The following MLLT3 variants were observed in gnomAD, a reference collection of about 807,000 sequenced individuals.
MLLT3 encodes MLLT3 super elongation complex subunit, also known as protein AF-9.
Under a neutral mutation model 53.2 loss-of-function variants are expected in MLLT3, and 4 were observed. The observed-to-expected ratio is 0.08, with a 90% confidence interval of 0.04 to 0.17. The LOEUF is 0.17. Among genes scored for constraint, MLLT3 ranks in the 10% least tolerant of loss-of-function variants. The probability of loss-of-function intolerance (pLI) is 1.00; values close to 1 mark genes in which losing one functional copy is unlikely to be tolerated. For missense variants in MLLT3, 569 were observed against 684.0 expected, an observed-to-expected ratio of 0.83 and a Z score of 1.87; for synonymous variants, 283 against 230.6, an observed-to-expected ratio of 1.23 and a Z score of -2.06.
In MLLT3 at chr9:20,622,312, C is replaced by G. The variant is rs1480724975; in HGVS notation, c.-56G>C. On this transcript the variant is annotated 5_prime_UTR_variant, in exon 1 of 11. Transcript: ENST00000380338. ...TGTGTGGTACCCCCCCCTCCTCCGC[C>G]CCCCCTCAGCTGTAATTCATGAAGA... The G allele has an allele frequency of 1.4e-6, 2 of 1,463,196 alleles. No individual in the cohort carries two copies. Among genetic ancestry groups the G allele is most frequent in the Non-Finnish European group, 9.2e-7 (1 of 1,089,582 alleles). 90.6% of individuals were successfully genotyped at this position (1,463,196 alleles called of 1,614,324 possible). A position where few individuals can be genotyped will look rare whatever the true frequency, so the allele number is the denominator to read the frequency against.
At chr9:20,483,971 A>G (rs1410906063) in intron 2 of MLLT3, among the ~76,000 whole-genome samples, 1 of 151,916 alleles carries the variant, frequency 6.6e-6, no homozygotes, top group Non-Finnish European at 1.5e-5. Flanking sequence ...TTGGCCTCCC[A>G]AAGTGCTGGG....
intron 5 of MLLT3, among the ~76,000 whole-genome samples, chr9:20,406,708 T>C (rs1370730886): frequency 6.6e-6 from 1 of 152,216 alleles, no homozygotes; most frequent in African/African-American, 2.4e-5. Flanking sequence ...GCAAGAAAAT[T>C]ACCTTTTCTG....
At chr9:20,595,799 T>A (rs1274025891) in intron 2 of MLLT3, among the ~76,000 whole-genome samples, 3 of 152,212 alleles carry the variant, frequency 2.0e-5, no homozygotes, top group Non-Finnish European at 4.4e-5. Flanking sequence ...TTTCCTCTAC[T>A]TTTTATCCCT....
chr9:20,360,305 T>C (rs1821281772), intron 8 of MLLT3, among the ~76,000 whole-genome samples: 1 of 152,178 alleles, frequency 6.6e-6, no homozygotes, highest in African/African-American at 2.4e-5. Flanking sequence ...ATAGTGTTAA[T>C]GTCATTTACA....
At chr9:20,349,392 G>A (rs1253723146) in intron 10 of MLLT3, among the ~76,000 whole-genome samples, 1 of 152,058 alleles carries the variant, frequency 6.6e-6, no homozygotes, top group African/African-American at 2.4e-5. Flanking sequence ...TTAATTATCT[G>A]GGAGGTGACT....
chr9:20,613,187 A>C (rs1820742754), intron 2 of MLLT3, among the ~76,000 whole-genome samples: 1 of 152,234 alleles, frequency 6.6e-6, no homozygotes, highest in Non-Finnish European at 1.5e-5. Flanking sequence ...GTATTCACTC[A>C]TAAAAATATT....
At chr9:20,563,311 T>A (rs1228319660) in intron 2 of MLLT3, among the ~76,000 whole-genome samples, 1 of 151,776 alleles carries the variant, frequency 6.6e-6, no homozygotes, top group African/African-American at 2.4e-5. Context: ...TTTTTAAAGA[T>A]CACTTGCTAT....
chr9:20,539,748 T>C (rs1437828864), intron 2 of MLLT3, among the ~76,000 whole-genome samples: 2 of 152,178 alleles, frequency 1.3e-5, no homozygotes, highest in South Asian at 2.1e-4. Context: ...CCAAATCTCA[T>C]GACCTTCTCA....
At chr9:20,483,241 ATTT>A (rs201384457) in intron 2 of MLLT3, among the ~76,000 whole-genome samples, 3 of 148,788 alleles carry the variant, frequency 2.0e-5, no homozygotes, top group Non-Finnish European at 4.4e-5. Flanking sequence ...TATTATTATT[ATTT>A]TTTTTTTTGA....
chr9:20,492,532 T>C (rs1030703559), intron 2 of MLLT3, among the ~76,000 whole-genome samples: 1 of 151,886 alleles, frequency 6.6e-6, no homozygotes, highest in Admixed American at 6.6e-5. Context: ...AAAAATAAAA[T>C]CATGAAAACA....
intron 2 of MLLT3, among the ~76,000 whole-genome samples, chr9:20,607,727 A>G (rs1820604906): frequency 6.6e-6 from 1 of 152,032 alleles, no homozygotes. Context: ...TGCACAGTAC[A>G]CTTTTAAAGT....
chr9:20,478,953 G>C (rs1824594536), intron 2 of MLLT3, among the ~76,000 whole-genome samples: 1 of 152,132 alleles, frequency 6.6e-6, no homozygotes, highest in Non-Finnish European at 1.5e-5. Context: ...CTGTGGGAAT[G>C]CTCTTGAGAG....
intron 4 of MLLT3, among the ~76,000 whole-genome samples, chr9:20,434,189 G>A (rs533098468): frequency 6.6e-6 from 1 of 152,216 alleles, no homozygotes; most frequent in Admixed American, 6.5e-5. Flanking sequence ...AGTAGGATCT[G>A]AGGATAACAA....
At chr9:20,505,743 G>C (rs1587004321) in intron 2 of MLLT3, among the ~76,000 whole-genome samples, 1 of 152,282 alleles carries the variant, frequency 6.6e-6, no homozygotes, top group South Asian at 2.1e-4. Context: ...CAGTTGGTAG[G>C]TTTTTCCTCG....
intron 8 of MLLT3, among the ~76,000 whole-genome samples, chr9:20,359,145 C>CAAAAAAAAAA (rs920197622): frequency 1.9e-4 from 4 of 20,982 alleles, no homozygotes; most frequent in African/African-American, 6.3e-4. Flanking sequence ...AACTCCATCT[C>CAAAAAAAAAA]AAAAAAAAAA....
At chr9:20,481,623 T>A (rs1288770914) in intron 2 of MLLT3, among the ~76,000 whole-genome samples, 2 of 152,024 alleles carry the variant, frequency 1.3e-5, no homozygotes, top group East Asian at 3.9e-4. Context: ...CCCCACCCAC[T>A]TCCACCCCCA....
intron 4 of MLLT3, among the ~76,000 whole-genome samples, chr9:20,427,467 C>T (rs1294456833): frequency 2.0e-5 from 3 of 151,816 alleles, no homozygotes; most frequent in African/African-American, 7.3e-5. Flanking sequence ...TATTAAGATA[C>T]ATGGAGAACA....
chr9:20,356,058 A>G (rs987916181), intron 8 of MLLT3, among the ~76,000 whole-genome samples: 7 of 152,328 alleles, frequency 4.6e-5, no homozygotes, highest in Non-Finnish European at 5.9e-5. Flanking sequence ...GATGAACAAG[A>G]TAAGACCCAG....
intron 4 of MLLT3, among the ~76,000 whole-genome samples, chr9:20,441,279 C>T (rs909248182): frequency 2.6e-5 from 4 of 152,084 alleles, no homozygotes; most frequent in Non-Finnish European, 4.4e-5. Context: ...TCTGTAACTG[C>T]CCTGCAATCA....
Sources: allele counts gnomAD v4.1 joint callset (sites outside exome capture counted in the v4.1 genomes callset), GRCh38; gene constraint gnomAD v4.1.1; transcripts MANE v1.5; gene names NCBI Gene and HGNC (gene_info 2026-07-23, HGNC 2026-07-21).